Variants in SYN3 observed in about 807,000 individuals in gnomAD.
The protein encoded by SYN3 is synapsin-3.
SYN3 carries 35 observed loss-of-function variants against 65.8 expected under a neutral mutation model. That is an observed-to-expected ratio of 0.53 (90% confidence interval 0.41 to 0.70). The LOEUF (loss-of-function observed/expected upper bound fraction) is 0.70. SYN3 is among the 30% of genes least tolerant of loss of function. SYN3 has a pLI of 0.00. For missense variants in SYN3, 680 were observed against 749.0 expected, an observed-to-expected ratio of 0.91 and a Z score of 1.08; for synonymous variants, 270 against 292.9, an observed-to-expected ratio of 0.92 and a Z score of 0.80.
intron 7 of SYN3, among the ~76,000 whole-genome samples, chr22:32,565,704 T>A (rs1601647622): frequency 6.7e-6 from 1 of 149,918 alleles, no homozygotes; most frequent in African/African-American, 2.4e-5. Flanking sequence ...AATTTAATTT[T>A]ATTATATATT....
chr22:32,852,628 C>G (rs1466898706), intron 6 of SYN3, among the ~76,000 whole-genome samples: 1 of 152,154 alleles, frequency 6.6e-6, no homozygotes, highest in Non-Finnish European at 1.5e-5. Context: ...CCCTGTCTGA[C>G]CTCTCTCTTC....
At chr22:32,974,729 C>T (rs754468381) in intron 3 of SYN3, among the ~76,000 whole-genome samples, 11 of 152,058 alleles carry the variant, frequency 7.2e-5, no homozygotes, top group Non-Finnish European at 1.3e-4. Context: ...GATAGTGCAG[C>T]CTGAAGTGAC....
intron 6 of SYN3, among the ~76,000 whole-genome samples, chr22:32,803,731 C>A (rs1211297791): frequency 6.6e-6 from 1 of 152,164 alleles, no homozygotes; most frequent in Non-Finnish European, 1.5e-5. Context: ...CTGGTTTTGC[C>A]CAGCAGGATC....
Position 33,028,759 on chromosome 22 carries a change from T to G in SYN3, c.-162-21935A>C, listed in dbSNP as rs146128053. ...AGCCTCTTTTAAGAATCAGGCACTG[T>G]GGCCAGCACGGTGGCTCACGCCTGT... On this transcript the variant is annotated intron_variant, in intron 1 of 13. Transcript: ENST00000358763. Among the ~76,000 whole-genome samples, 1,459 of 151,486 alleles carry G rather than the reference T, an allele frequency of 9.6e-3. 29 individuals are homozygous for G. The highest frequency in any genetic ancestry group is 0.034 in the African/African-American group (1,384 of 41,272).
chr22:32,824,277 C>CA (rs130288), intron 6 of SYN3, among the ~76,000 whole-genome samples: 62,876 of 133,084 alleles, frequency 0.47, 15,163 homozygotes, highest in African/African-American at 0.55. Flanking sequence ...GACTCCATCT[C>CA]AAAAAAAAAA....
intron 6 of SYN3, among the ~76,000 whole-genome samples, chr22:32,697,791 C>T (rs1007861094): frequency 7.2e-5 from 11 of 152,174 alleles, no homozygotes; most frequent in Admixed American, 2.6e-4. Flanking sequence ...TTCTTGATTC[C>T]GAGTCTGGTC....
At chr22:32,970,175 A>T (rs967717645) in intron 3 of SYN3, among the ~76,000 whole-genome samples, 1 of 152,204 alleles carries the variant, frequency 6.6e-6, no homozygotes, top group Non-Finnish European at 1.5e-5. Flanking sequence ...TCTTATAGTA[A>T]CTTATTTCAG....
At chr22:33,028,156 G>A (rs2053670200) in intron 1 of SYN3, among the ~76,000 whole-genome samples, 1 of 152,176 alleles carries the variant, frequency 6.6e-6, no homozygotes, top group African/African-American at 2.4e-5. Flanking sequence ...GGACAGAGCA[G>A]AGAGGAATCC....
intron 1 of SYN3, among the ~76,000 whole-genome samples, chr22:33,028,512 C>T (rs565922209): frequency 1.3e-3 from 203 of 152,332 alleles, no homozygotes; most frequent in African/African-American, 4.3e-3. Context: ...AGGGCAACCA[C>T]GGCCCAGATT....
chr22:32,997,908 T>C (rs1362897221), intron 2 of SYN3, among the ~76,000 whole-genome samples: 1 of 151,044 alleles, frequency 6.6e-6, no homozygotes, highest in African/African-American at 2.4e-5. Flanking sequence ...GCGCCTGTAG[T>C]CCCAGCTACT....
rs375890190 is a variant in SYN3, at chr22:32,528,860, C to A, written c.1230+14G>T. The A allele has an allele frequency of 1.9e-6, 3 of 1,614,036 alleles. No homozygotes were observed. Among genetic ancestry groups the A allele is most frequent in the Non-Finnish European group, 2.5e-6 (3 of 1,179,986 alleles). ...TCATGGCTATAAAGTCTCCTTTGAT[C>A]GTGAGGGTCTTACCCAAGGTCTGAG... On this transcript the variant is annotated intron_variant, in intron 11 of 13. Transcript: ENST00000358763.
At position 32,869,117 on chromosome 22, in the gene SYN3, A is replaced by T; in HGVS notation, c.470T>A (p.Phe157Tyr). ...GCGGACCAGGATGAAGTCTGGCTTG[A>T]AGGATCTGCTGAGAAAGCCAACAGC... Reference protein sequence around the residue: ...RNGTKVVSRSFKPDFILVRQH... With the variant: ...RNGTKVVSRSYKPDFILVRQH... Residue 157 changes from phenylalanine to tyrosine, a missense_variant, in exon 5 of 14, where the codon TTC becomes TAC. Physicochemically the swap from Phe to Tyr is conservative, Grantham distance 22. Coordinates refer to ENST00000358763, the MANE Select transcript of SYN3 (RefSeq NM_003490.4). 6.2e-7 allele frequency: 1 copy of T among 1,613,278 alleles called. No individual in the cohort carries two copies. Among genetic ancestry groups the T allele is most frequent in the Non-Finnish European group, 8.5e-7 (1 of 1,179,472 alleles).
intron 4 of SYN3, among the ~76,000 whole-genome samples, chr22:32,908,030 T>C (rs1340781788): frequency 1.3e-5 from 2 of 152,140 alleles, no homozygotes; most frequent in Non-Finnish European, 2.9e-5. Context: ...ATGCAGCCAG[T>C]AAGGGCTGGA....
chr22:32,944,672 C>A (rs113871969), intron 3 of SYN3, among the ~76,000 whole-genome samples: 1 of 152,132 alleles, frequency 6.6e-6, no homozygotes, highest in African/African-American at 2.4e-5. Flanking sequence ...CTATTCAACA[C>A]AGTGTTGGAA....
At chr22:32,644,073 C>CA (rs1175308291) in intron 6 of SYN3, among the ~76,000 whole-genome samples, 544 of 3,906 alleles carry the variant, frequency 0.14, 143 homozygotes, top group Non-Finnish European at 0.3. Flanking sequence ...GACTCTGCCT[C>CA]AAAAAAAAAA....
intron 7 of SYN3, among the ~76,000 whole-genome samples, chr22:32,594,215 G>T (rs1026074693): frequency 6.6e-6 from 1 of 152,096 alleles, no homozygotes; most frequent in Non-Finnish European, 1.5e-5. Context: ...GCAAGAAGTG[G>T]GGCAGGGGGC....
intron 4 of SYN3, among the ~76,000 whole-genome samples, chr22:32,891,677 G>A (rs548597460): frequency 8.5e-5 from 13 of 152,228 alleles, no homozygotes; most frequent in Non-Finnish European, 1.6e-4. Flanking sequence ...ACACCATAGC[G>A]ATGGCAATGC....
intron 3 of SYN3, among the ~76,000 whole-genome samples, chr22:32,974,268 C>A (rs972972752): frequency 3.3e-5 from 5 of 152,184 alleles, no homozygotes; most frequent in Non-Finnish European, 7.3e-5. Flanking sequence ...AGACCCATGC[C>A]ACTTATTAGT....
intron 12 of SYN3, among the ~76,000 whole-genome samples, chr22:32,520,208 T>C (rs1274301293): frequency 2.0e-5 from 3 of 152,108 alleles, no homozygotes; most frequent in African/African-American, 7.2e-5. Context: ...AGTGGCATGG[T>C]CACACCGCAG....
Sources: allele counts gnomAD v4.1 joint callset (sites outside exome capture counted in the v4.1 genomes callset), GRCh38; gene constraint gnomAD v4.1.1; transcripts MANE v1.5; gene names NCBI Gene and HGNC (gene_info 2026-07-23, HGNC 2026-07-21).